Variants in GRAMD2A observed in about 807,000 individuals in gnomAD.
GRAMD2A encodes GRAM domain-containing protein 2A.
In GRAMD2A, 37 loss-of-function variants were observed where a neutral mutation model predicts 51.1. That is an observed-to-expected ratio of 0.72 (90% CI 0.56 to 0.95). GRAMD2A has a LOEUF of 0.95. Among genes scored for constraint, GRAMD2A ranks in the 40% least tolerant of loss-of-function variants. GRAMD2A has a pLI of 0.00. For synonymous variants in GRAMD2A, 136 were observed against 157.1 expected (o/e 0.87, Z 1.01); for missense variants, 414 against 426.9 (o/e 0.97, Z 0.27).
At chr15:72,167,926 A>G in intron 4 of GRAMD2A, 87 bp from the exon 5 acceptor site, 1 of 890,480 alleles carries the variant, frequency 1.1e-6, no homozygotes, top group East Asian at 2.5e-5. Flanking sequence ...TGGAGTCCAC[A>G]GTCCAGCCTC....
chr15:72,183,639 G>A (rs1366782468), intron 1 of GRAMD2A, among the ~76,000 whole-genome samples: 1 of 152,142 alleles, frequency 6.6e-6, no homozygotes, highest in African/African-American at 2.4e-5. Flanking sequence ...AGACCAGCCT[G>A]GCCAACATGG....
chr15:72,174,471 T>C (rs2081637501), intron 1 of GRAMD2A, among the ~76,000 whole-genome samples: 1 of 152,106 alleles, frequency 6.6e-6, no homozygotes, highest in Non-Finnish European at 1.5e-5. Context: ...CCCATCCCCA[T>C]GCCCCAGCTG....
intron 1 of GRAMD2A, among the ~76,000 whole-genome samples, chr15:72,172,166 T>G (rs2081616844): frequency 6.6e-6 from 1 of 151,906 alleles, no homozygotes; most frequent in South Asian, 2.1e-4. Flanking sequence ...TCGCCCAGGC[T>G]ACAGTACAGT....
At chr15:72,184,373 C>G (rs1393085137) in intron 1 of GRAMD2A, among the ~76,000 whole-genome samples, 1 of 152,264 alleles carries the variant, frequency 6.6e-6, no homozygotes, top group Admixed American at 6.5e-5. Context: ...CCGGCTGGCC[C>G]CAGCTGACCC....
At chr15:72,190,944 C>T (rs1596700168) in intron 1 of GRAMD2A, among the ~76,000 whole-genome samples, 1 of 152,144 alleles carries the variant, frequency 6.6e-6, no homozygotes, top group East Asian at 1.9e-4. Flanking sequence ...GTCATTGAAG[C>T]CTGGAGTCAT....
In GRAMD2A at chr15:72,162,339, A is replaced by G. The variant is rs1289799421; in HGVS notation, c.995T>C (p.Phe332Ser). Residue 332 changes from phenylalanine (F) to serine (S), a missense_variant, in exon 11 of 12, where the codon TTC becomes TCC. Coordinates refer to ENST00000309731, the MANE Select transcript of GRAMD2A (RefSeq NM_001012642.3). ...FLVMSSSYLA[F>S]RISRLEQQLC... Reference sequence around the variant, plus strand: ...CTGCTGCTCTAGCCGAGAAATACGGAACGCCAGGTAGGATGAGGACATGAC... The same window carrying G: ...CTGCTGCTCTAGCCGAGAAATACGGGACGCCAGGTAGGATGAGGACATGAC... 1 of 1,614,060 alleles carries G rather than the reference A, an allele frequency of 6.2e-7. No individual in the cohort carries two copies. The highest frequency in any genetic ancestry group is 8.5e-7 in the Non-Finnish European group (1 of 1,179,986).
intron 1 of GRAMD2A, among the ~76,000 whole-genome samples, chr15:72,179,843 G>A (rs1362215467): frequency 1.3e-5 from 2 of 152,150 alleles, no homozygotes; most frequent in Non-Finnish European, 2.9e-5. Context: ...GAAGACAGGG[G>A]TACCACTGGG....
Position 72,169,807 on chromosome 15 carries a change from C to G in GRAMD2A, c.134+40G>C, listed in dbSNP as rs532148935. ...TCACTTCCTGAGGGCTTCCCACCCT[C>G]TAGTCTGTGTGTATCTATGACTGGG... On this transcript the variant is annotated intron_variant, in intron 2 of 11. Transcript: ENST00000309731. The G allele has an allele frequency of 9.4e-5, 143 of 1,517,642 alleles. 1 individual carries two copies. In the South Asian group the frequency reaches 1.5e-3, roughly 16 times the overall value. 94.0% of individuals were successfully genotyped at this position (1,517,642 alleles called of 1,614,324 possible).
At chr15:72,184,221 G>A (rs566057707) in intron 1 of GRAMD2A, among the ~76,000 whole-genome samples, 1 of 152,208 alleles carries the variant, frequency 6.6e-6, no homozygotes, top group Admixed American at 6.5e-5. Context: ...TCCACCCCTC[G>A]GCTAGCACAG....
At chr15:72,194,946 C>T (rs1440011297) in intron 1 of GRAMD2A, among the ~76,000 whole-genome samples, 2 of 152,150 alleles carry the variant, frequency 1.3e-5, no homozygotes, top group East Asian at 3.8e-4. Flanking sequence ...TCTCAGCCTC[C>T]CAAAGTGCTG....
Position 72,166,956 on chromosome 15 carries a change from G to A in GRAMD2A, c.471+38C>T, listed in dbSNP as rs752319300. The A allele has an allele frequency of 1.5e-5, 23 of 1,501,364 alleles. No individual in the cohort carries two copies. Among genetic ancestry groups the A allele is most frequent in the Admixed American group, 1.0e-4 (6 of 59,828 alleles). 93.0% of individuals were successfully genotyped at this position (1,501,364 alleles called of 1,614,324 possible). A position where few individuals can be genotyped will look rare whatever the true frequency, so the allele number is the denominator to read the frequency against. ...ACTGTGGGCTGTCAGGGCTGGGAGCGGGAGACTGACAAGGGAGCATGGGCC... is the reference window on the plus strand; with the variant it reads ...ACTGTGGGCTGTCAGGGCTGGGAGCAGGAGACTGACAAGGGAGCATGGGCC... On this transcript the variant is annotated intron_variant, in intron 6 of 11. Transcript: ENST00000309731. The surrounding 1 kb of genome is among the most constrained non-coding windows in gnomAD (Gnocchi z 4.1).
At position 72,163,471 on chromosome 15, in the gene GRAMD2A, A is replaced by G; in HGVS notation, c.751T>C (p.Ser251Pro). The G allele has an allele frequency of 6.2e-7, 1 of 1,613,512 alleles. No homozygotes were observed. Among genetic ancestry groups the G allele is most frequent in the Non-Finnish European group, 8.5e-7 (1 of 1,179,696 alleles). Reference protein sequence around the residue: ...PSRKPPMSEKSRAQVASENGG... With the variant: ...PSRKPPMSEKPRAQVASENGG... ...TTTTCTGAAGCTACTTGGGCTCTTG[A>G]CTTTTCTTTATGGATTGGGAGAAAA... The change falls in exon 10 of 12, where the codon TCA (serine) becomes CCA (proline). Residue 251 changes from serine (S) to proline (P), a missense_variant. Ser to Pro is a moderately conservative substitution (Grantham distance 74). Transcript: ENST00000309731.
chr15:72,189,294 G>T (rs1369428729), intron 1 of GRAMD2A, among the ~76,000 whole-genome samples: 2 of 152,170 alleles, frequency 1.3e-5, no homozygotes, highest in Non-Finnish European at 2.9e-5. Context: ...AATGAACTTT[G>T]CCAAATCTAC....
At chr15:72,180,510 C>T (rs546073025) in intron 1 of GRAMD2A, among the ~76,000 whole-genome samples, 1 of 152,382 alleles carries the variant, frequency 6.6e-6, no homozygotes. Flanking sequence ...GACGCCCCCA[C>T]TCAGGGCTGC....
intron 4 of GRAMD2A, 50 bp from the exon 5 acceptor site, chr15:72,167,889 A>G (rs374698035): frequency 1.5e-6 from 2 of 1,369,482 alleles, no homozygotes; most frequent in African/African-American, 1.4e-5. Context: ...CAGCCCAGGA[A>G]GCCCCAGGAC....
At chr15:72,193,645 C>T (rs2081784656) in intron 1 of GRAMD2A, among the ~76,000 whole-genome samples, 1 of 152,146 alleles carries the variant, frequency 6.6e-6, no homozygotes, top group Non-Finnish European at 1.5e-5. Flanking sequence ...GCCACAGCCT[C>T]CCGAGTAGCT....
intron 1 of GRAMD2A, among the ~76,000 whole-genome samples, chr15:72,181,296 A>C (rs912357475): frequency 1.3e-5 from 2 of 152,272 alleles, no homozygotes; most frequent in Admixed American, 6.5e-5. Flanking sequence ...AGATTTAAAC[A>C]GGAAAGTATA....
At chr15:72,177,265 ATTG>A (rs1012662093) in intron 1 of GRAMD2A, among the ~76,000 whole-genome samples, 13 of 152,308 alleles carry the variant, frequency 8.5e-5, no homozygotes, top group African/African-American at 2.9e-4. Context: ...GATTTCTTAA[ATTG>A]TTGTTGAAGT....
At chr15:72,167,863 T>C (rs781741442) in intron 4 of GRAMD2A, 24 bp from the exon 5 acceptor site, 2 of 1,572,894 alleles carry the variant, frequency 1.3e-6, no homozygotes, top group South Asian at 2.2e-5. Context: ...GGAGAGAAAA[T>C]GGCCATAAGC....
Sources: gnomAD v4.1 joint callset for allele counts (sites outside exome capture counted in the v4.1 genomes callset) on GRCh38, gnomAD v4.1.1 for gene constraint, Gnocchi (gnomAD v3.1) non-coding constraint, MANE v1.5 for transcripts, NCBI Gene and HGNC (gene_info 2026-07-23, HGNC 2026-07-21) for gene names.